The following VPS41 variants were observed in gnomAD, a reference collection of about 807,000 sequenced individuals.
VPS41 encodes the protein vacuolar protein sorting-associated protein 41 homolog.
Under a neutral mutation model 130.9 loss-of-function variants are expected in VPS41, and 85 were observed. The ratio of observed to expected loss-of-function variants is 0.65; its 90% CI spans 0.55 to 0.78. The LOEUF is 0.78. Ranked by LOEUF, VPS41 falls within the 30% of genes least tolerant of loss-of-function variation. The pLI, the probability that VPS41 is intolerant of heterozygous loss-of-function variation, is 0.00. For synonymous variants in VPS41, 335 were observed against 332.9 expected, an observed-to-expected ratio of 1.01 and a Z score of -0.07; for missense variants, 874 against 1,018.7, an observed-to-expected ratio of 0.86 and a Z score of 1.93.
At chr7:38,841,623 G>A (rs1411401706) in intron 4 of VPS41, among the ~76,000 whole-genome samples, 1 of 152,108 alleles carries the variant, frequency 6.6e-6, no homozygotes, top group Non-Finnish European at 1.5e-5. Context: ...TGTTGTTGTT[G>A]TTGTTGTTTT....
chr7:38,874,234 A>G (rs1456255069), intron 2 of VPS41, among the ~76,000 whole-genome samples: 7 of 152,170 alleles, frequency 4.6e-5, no homozygotes, highest in Admixed American at 4.6e-4. Context: ...GTGTCACATG[A>G]ATTCTAGGGG....
chr7:38,901,966 G>A (rs1193938086), intron 1 of VPS41, among the ~76,000 whole-genome samples: 1 of 152,190 alleles, frequency 6.6e-6, no homozygotes. Context: ...AAGCAAAAGT[G>A]ATAGGCTGGA....
chr7:38,787,208 G>A, intron 10 of VPS41, among the ~76,000 whole-genome samples: 1 of 152,006 alleles, frequency 6.6e-6, no homozygotes, highest in Non-Finnish European at 1.5e-5. Flanking sequence ...TTCCTTGCAT[G>A]TAAGTCAACT....
intron 4 of VPS41, among the ~76,000 whole-genome samples, chr7:38,837,329 G>A (rs1260420512): frequency 1.3e-5 from 2 of 152,148 alleles, no homozygotes; most frequent in Non-Finnish European, 2.9e-5. Context: ...TTAACCACAT[G>A]AATAACCCTC....
Position 38,758,486 on chromosome 7 carries a change from C to A in VPS41, c.1423-5G>T. 4 of 1,603,016 alleles carry A rather than the reference C, an allele frequency of 2.5e-6. No homozygotes were observed. Among genetic ancestry groups the A allele is most frequent in the Non-Finnish European group, 3.4e-6 (4 of 1,177,234 alleles). On this transcript the variant is annotated splice_polypyrimidine_tract_variant and splice_region_variant and intron_variant, in intron 17 of 28. Coordinates refer to ENST00000310301, the MANE Select transcript of VPS41 (RefSeq NM_014396.4). ...TCGGATCAATGTGGCAAAACCCTAA[C>A]CAAAGGTGAAAAACAGAAAAAGAAC...
rs138089178 is a variant in VPS41 at position 38,789,882 on chromosome 7, C to A, written c.718-15G>T. On this transcript the variant is annotated splice_polypyrimidine_tract_variant and intron_variant, in intron 9 of 28. Transcript: ENST00000310301. ...ACTGAGCACACCTGGAAAATAAGTTCGCAGGTTATTTTATTCATTTGATGG... is the reference window on the plus strand; with the variant it reads ...ACTGAGCACACCTGGAAAATAAGTTAGCAGGTTATTTTATTCATTTGATGG... The A allele has an allele frequency of 4.3e-6, 7 of 1,612,830 alleles. 1 individual carries two copies. The South Asian group carries it at 5.5e-5, about 13-fold the overall frequency.
chr7:38,755,808 T>A (rs1783778246), intron 19 of VPS41, among the ~76,000 whole-genome samples: 1 of 152,104 alleles, frequency 6.6e-6, no homozygotes, highest in African/African-American at 2.4e-5. Flanking sequence ...AGGGGGTGCA[T>A]GAGGGGAGAC....
chr7:38,739,464 G>C (rs191598776), intron 25 of VPS41, among the ~76,000 whole-genome samples: 3 of 152,350 alleles, frequency 2.0e-5, no homozygotes, highest in Admixed American at 2.0e-4. Context: ...TCTCTGGATA[G>C]ATTTATTTTT....
rs1277673265 is a variant in VPS41 at position 38,758,415 on chromosome 7, C to T, written c.1489G>A (p.Val497Ile). ...CTATCTTTCTTCAAATGATCCCGAACTGCTTGAACTATGACTGAATTATTA... is the reference window on the plus strand; with the variant it reads ...CTATCTTTCTTCAAATGATCCCGAATTGCTTGAACTATGACTGAATTATTA... ...LYNNSVIVQA[V>I]RDHLKKDSQN... The change falls in exon 18 of 29, where the codon GTT becomes ATT. Residue 497 changes from valine to isoleucine, a missense_variant. Transcript: ENST00000310301. 6 of 1,613,322 alleles carry T rather than the reference C, an allele frequency of 3.7e-6. No individual in the cohort carries two copies. In the African/African-American group the frequency reaches 5.3e-5, roughly 14 times the overall value.
At chr7:38,866,488 C>T (rs1786231937) in intron 3 of VPS41, among the ~76,000 whole-genome samples, 1 of 152,056 alleles carries the variant, frequency 6.6e-6, no homozygotes, top group South Asian at 2.1e-4. Flanking sequence ...TCATCCGTGG[C>T]TTAGGTGACA....
intron 23 of VPS41, among the ~76,000 whole-genome samples, 190 bp downstream of exon 23, chr7:38,745,369 A>G (rs972545841): frequency 6.6e-6 from 1 of 152,204 alleles, no homozygotes; most frequent in African/African-American, 2.4e-5. Flanking sequence ...TGTTATTTCA[A>G]CATTTATGAA....
intron 4 of VPS41, among the ~76,000 whole-genome samples, chr7:38,830,729 G>A (rs1785370714): frequency 6.6e-6 from 1 of 152,198 alleles, no homozygotes; most frequent in African/African-American, 2.4e-5. Flanking sequence ...CATGGAGGAT[G>A]AGACTCCTGG....
intron 4 of VPS41, among the ~76,000 whole-genome samples, chr7:38,837,727 T>C: frequency 6.6e-6 from 1 of 152,232 alleles, no homozygotes; most frequent in East Asian, 1.9e-4. Flanking sequence ...GTTAGCCGAA[T>C]ATTACTATAC....
chr7:38,746,088 CG>C (rs1278612196), intron 22 of VPS41: 3 of 152,822 alleles, frequency 2.0e-5, no homozygotes, highest in Admixed American at 1.3e-4. Context: ...CATGAATGAA[CG>C]AATGAATGAT....
At chr7:38,868,869 G>T (rs1039522843) in intron 3 of VPS41, among the ~76,000 whole-genome samples, 5 of 152,140 alleles carry the variant, frequency 3.3e-5, no homozygotes, top group African/African-American at 1.2e-4. Context: ...TTAAGTGAGC[G>T]ACAGAGTTGC....
intron 2 of VPS41, among the ~76,000 whole-genome samples, chr7:38,889,245 C>G (rs1048126076): frequency 6.6e-6 from 1 of 151,758 alleles, no homozygotes; most frequent in African/African-American, 2.4e-5. Flanking sequence ...AAAACTTTCA[C>G]AATTTGGTGA....
chr7:38,744,180 T>C (rs1342707921), intron 23 of VPS41, among the ~76,000 whole-genome samples: 1 of 152,230 alleles, frequency 6.6e-6, no homozygotes, highest in East Asian at 1.9e-4. Flanking sequence ...TATTGGCTAA[T>C]TGTCTTTACA....
At chr7:38,787,561 C>T (rs1784462302) in intron 10 of VPS41, among the ~76,000 whole-genome samples, 1 of 152,186 alleles carries the variant, frequency 6.6e-6, no homozygotes, top group South Asian at 2.1e-4. Context: ...AATAAATCAA[C>T]AGCCTATGTG....
At chr7:38,785,222 A>C (rs554896777) in intron 10 of VPS41, among the ~76,000 whole-genome samples, 2 of 152,364 alleles carry the variant, frequency 1.3e-5, no homozygotes, top group Non-Finnish European at 2.9e-5. Context: ...CTGAAAATAC[A>C]TTTGGAAATA....
Sources: allele counts gnomAD v4.1 joint callset (sites outside exome capture counted in the v4.1 genomes callset), GRCh38; gene constraint gnomAD v4.1.1; transcripts MANE v1.5; gene names NCBI Gene and HGNC (gene_info 2026-07-23, HGNC 2026-07-21).